The following TRPS1 variants were observed in gnomAD, a reference collection of about 807,000 sequenced individuals.
TRPS1 encodes zinc finger transcription factor Trps1.
A neutral mutation model predicts 101.2 loss-of-function variants in TRPS1; 6 were observed. That is an observed-to-expected ratio of 0.06 (90% CI 0.03 to 0.12). The LOEUF (loss-of-function observed/expected upper bound fraction) is 0.12. Among genes scored for constraint, TRPS1 ranks in the 10% least tolerant of loss-of-function variants. The pLI is 1.00. For missense variants in TRPS1, 1,363 were observed against 1,567.0 expected (o/e 0.87, Z 2.20); for synonymous variants, 578 against 589.8 (o/e 0.98, Z 0.29).
intron 5 of TRPS1, among the ~76,000 whole-genome samples, chr8:115,445,271 T>C (rs1489945552): frequency 1.3e-5 from 2 of 152,194 alleles, no homozygotes; most frequent in Non-Finnish European, 2.9e-5. Flanking sequence ...CAATTTTGTT[T>C]CCAGGGCTTC....
At chr8:115,455,359 C>G (rs1256669979) in intron 5 of TRPS1, among the ~76,000 whole-genome samples, 4 of 152,140 alleles carry the variant, frequency 2.6e-5, no homozygotes, top group Admixed American at 6.5e-5. Context: ...CATGTATTAC[C>G]TAATAATGGA....
intron 5 of TRPS1, among the ~76,000 whole-genome samples, chr8:115,473,971 T>C (rs958083769): frequency 6.6e-6 from 1 of 152,220 alleles, no homozygotes; most frequent in Non-Finnish European, 1.5e-5. Flanking sequence ...AAGTCTTTCT[T>C]AGTGAGACAA....
chr8:115,633,178 G>A (rs1314316111), intron 1 of TRPS1, among the ~76,000 whole-genome samples: 1 of 152,058 alleles, frequency 6.6e-6, no homozygotes, highest in East Asian at 1.9e-4. Flanking sequence ...AGGCAAACAG[G>A]TGGTAAAAGA....
chr8:115,479,146 G>C lies in TRPS1; in HGVS notation c.2701-60694C>G, dbSNP rs1041880527. ...ACCTTAAAAAATCATTAAACAATAAGTACAACACTTTACACAGTCAATAAA... is the reference window on the plus strand; with the variant it reads ...ACCTTAAAAAATCATTAAACAATAACTACAACACTTTACACAGTCAATAAA... On this transcript the variant is annotated intron_variant, in intron 5 of 6. Transcript: ENST00000395715. 1.1e-4 allele frequency among the ~76,000 whole-genome samples: 16 copies of C among 151,968 alleles called. No homozygotes were observed. The South Asian group carries it at 3.3e-3, about 32-fold the overall frequency.
At chr8:115,441,866 TGAGAGA>T (rs56875076) in intron 5 of TRPS1, among the ~76,000 whole-genome samples, 207 of 139,586 alleles carry the variant, frequency 1.5e-3, no homozygotes, top group Non-Finnish European at 2.0e-3. Context: ...CAATTGAGAG[TGAGAGA>T]GAGAGAGAGA....
At chr8:115,571,312 T>G (rs898921557) in intron 5 of TRPS1, among the ~76,000 whole-genome samples, 1 of 152,236 alleles carries the variant, frequency 6.6e-6, no homozygotes, top group African/African-American at 2.4e-5. Flanking sequence ...CAACGAAGTG[T>G]GGCTGATTTT....
At chr8:115,618,924 T>C (rs1158340283) in intron 3 of TRPS1, among the ~76,000 whole-genome samples, 1 of 152,156 alleles carries the variant, frequency 6.6e-6, no homozygotes, top group Non-Finnish European at 1.5e-5. Flanking sequence ...AATGCTAGGA[T>C]TGTTTTCCAC....
At chr8:115,574,893 A>C (rs2130407964) in intron 5 of TRPS1, among the ~76,000 whole-genome samples, 1 of 152,200 alleles carries the variant, frequency 6.6e-6, no homozygotes, top group South Asian at 2.1e-4. Flanking sequence ...AAATAATCAT[A>C]TTCACTTTTT....
At chr8:115,568,486 A>G (rs972288968) in intron 5 of TRPS1, among the ~76,000 whole-genome samples, 1 of 152,080 alleles carries the variant, frequency 6.6e-6, no homozygotes, top group African/African-American at 2.4e-5. Flanking sequence ...AACATAGTTT[A>G]CTATAAAAAA....
At chr8:115,456,224 G>C (rs541958967) in intron 5 of TRPS1, among the ~76,000 whole-genome samples, 23 of 152,238 alleles carry the variant, frequency 1.5e-4, no homozygotes, top group Admixed American at 3.3e-4. Context: ...ATAAAGTGGA[G>C]AAGTAAAAAT....
intron 5 of TRPS1, among the ~76,000 whole-genome samples, chr8:115,460,413 G>GT (rs1327313142): frequency 6.6e-6 from 1 of 151,880 alleles, no homozygotes; most frequent in Non-Finnish European, 1.5e-5. Flanking sequence ...CTAACATCAA[G>GT]TTTCTCTGGA....
chr8:115,641,007 A>AG (rs1416013919), intron 1 of TRPS1, among the ~76,000 whole-genome samples: 1 of 152,208 alleles, frequency 6.6e-6, no homozygotes, highest in East Asian at 1.9e-4. Context: ...GAGGTGTTGC[A>AG]GGGAACAGTC....
intron 1 of TRPS1, among the ~76,000 whole-genome samples, chr8:115,632,987 G>A (rs1233072312): frequency 2.6e-5 from 4 of 152,116 alleles, no homozygotes; most frequent in Non-Finnish European, 4.4e-5. Flanking sequence ...GTTTAAGAGT[G>A]TGTGTGCGAT....
At chr8:115,417,426 A>T (rs1435962384) in intron 6 of TRPS1, among the ~76,000 whole-genome samples, 2 of 152,188 alleles carry the variant, frequency 1.3e-5, no homozygotes, top group Non-Finnish European at 2.9e-5. Context: ...TAATGTATTC[A>T]CTGGCTTGTG....
chr8:115,440,748 T>C (rs1236059016), intron 5 of TRPS1, among the ~76,000 whole-genome samples: 1 of 152,170 alleles, frequency 6.6e-6, no homozygotes, highest in Non-Finnish European at 1.5e-5. Flanking sequence ...CAGTAAGACA[T>C]GAAGAATGGG....
At chr8:115,610,475 A>T (rs922792603) in intron 3 of TRPS1, among the ~76,000 whole-genome samples, 1 of 152,190 alleles carries the variant, frequency 6.6e-6, no homozygotes, top group African/African-American at 2.4e-5. Context: ...ATAACAACTC[A>T]AATTATATGG....
At chr8:115,441,719 C>A (rs1231666517) in intron 5 of TRPS1, among the ~76,000 whole-genome samples, 1 of 151,952 alleles carries the variant, frequency 6.6e-6, no homozygotes, top group Non-Finnish European at 1.5e-5. Flanking sequence ...AGATTAAAGG[C>A]AAAAAGTAAT....
At chr8:115,579,122 G>C (rs1225317610) in intron 5 of TRPS1, among the ~76,000 whole-genome samples, 5 of 152,036 alleles carry the variant, frequency 3.3e-5, no homozygotes, top group Non-Finnish European at 7.4e-5. Flanking sequence ...AAGAGTTCTG[G>C]TGAGGATGAA....
At position 115,578,879 on chromosome 8, in the gene TRPS1, T is replaced by C. The variant is rs1243581267; in HGVS notation, c.2700+8122A>G. Among the ~76,000 whole-genome samples the C allele has an allele frequency of 2.0e-5, 3 of 152,094 alleles. No individual in the cohort carries two copies. In the East Asian group the frequency reaches 5.8e-4, roughly 29 times the overall value. ...GTACATACACACATAAAAACGTGTA[T>C]GCTTAGATGAAACAAATTAATTCTG... On this transcript the variant is annotated intron_variant, in intron 5 of 6. Transcript: ENST00000395715.
Sources: allele counts gnomAD v4.1 joint callset (sites outside exome capture counted in the v4.1 genomes callset), GRCh38; gene constraint gnomAD v4.1.1; transcripts MANE v1.5; gene names NCBI Gene and HGNC (gene_info 2026-07-23, HGNC 2026-07-21).